PVT1: variants seen among roughly 807,000 people sequenced by gnomAD.
The protein encoded by PVT1 is CXCR4/PVT1 fusion.
chr8:127,802,410 C>T (rs1814475194), intron 2 of PVT1, among the ~76,000 whole-genome samples: 3 of 151,230 alleles, frequency 2.0e-5, no homozygotes, highest in Admixed American at 2.0e-4. Flanking sequence ...AAGCTGGGGT[C>T]TCCCTGTGTT....
chr8:127,950,801 A>G (rs1306226187), intron 3 of PVT1, among the ~76,000 whole-genome samples: 2 of 152,234 alleles, frequency 1.3e-5, no homozygotes, highest in African/African-American at 2.4e-5. Context: ...GAGGATGGCT[A>G]ACAGCTCAGT....
chr8:127,867,492 G>A (rs899452201), intron 2 of PVT1, among the ~76,000 whole-genome samples: 3 of 152,232 alleles, frequency 2.0e-5, no homozygotes, highest in Admixed American at 6.5e-5. Flanking sequence ...AATGAGCGAT[G>A]CTTCTGGAGG....
At chr8:127,836,425 G>A (rs1045676882) in intron 2 of PVT1, among the ~76,000 whole-genome samples, 8 of 152,146 alleles carry the variant, frequency 5.3e-5, no homozygotes, top group African/African-American at 1.7e-4. Context: ...AGCCCAGCAT[G>A]CATTAGCTAT....
At chr8:127,864,004 C>A (rs76568379) in intron 2 of PVT1, among the ~76,000 whole-genome samples, 7 of 152,168 alleles carry the variant, frequency 4.6e-5, no homozygotes, top group Non-Finnish European at 8.8e-5. Flanking sequence ...AGGTTGGGAC[C>A]GGCTTCCAGG....
intron 2 of PVT1, among the ~76,000 whole-genome samples, chr8:127,831,961 A>G (rs911175922): frequency 6.6e-6 from 1 of 152,242 alleles, no homozygotes; most frequent in African/African-American, 2.4e-5. Flanking sequence ...TAATGTCACC[A>G]TTAGTATTTA....
intron 3 of PVT1, among the ~76,000 whole-genome samples, chr8:127,960,182 G>GGT (rs1816623015): frequency 6.6e-6 from 1 of 152,184 alleles, no homozygotes; most frequent in Non-Finnish European, 1.5e-5. Context: ...GCCTGTTACT[G>GGT]CAGTTTCCAA....
chr8:128,023,816 C>G (rs7010574), intron 4 of PVT1, among the ~76,000 whole-genome samples: 1 of 152,008 alleles, frequency 6.6e-6, no homozygotes, highest in Non-Finnish European at 1.5e-5. Context: ...GTCCCTGGCT[C>G]CAAGGCAAGC....
intron 3 of PVT1, among the ~76,000 whole-genome samples, chr8:127,919,447 A>G (rs1036595457): frequency 6.6e-6 from 1 of 152,176 alleles, no homozygotes; most frequent in Non-Finnish European, 1.5e-5. Context: ...GGGCTTCAGG[A>G]GCAGGGCTTT....
chr8:127,922,838 C>T (rs1816078455), intron 3 of PVT1, among the ~76,000 whole-genome samples: 1 of 152,234 alleles, frequency 6.6e-6, no homozygotes, highest in South Asian at 2.1e-4. Context: ...ATTCTGGCAA[C>T]CTCTTACCGG....
intron 3 of PVT1, among the ~76,000 whole-genome samples, chr8:127,972,794 G>T (rs1194767719): frequency 6.6e-6 from 1 of 152,118 alleles, no homozygotes; most frequent in Non-Finnish European, 1.5e-5. Flanking sequence ...CGCTCCCAGA[G>T]AAGCTGATGA....
intron 3 of PVT1, among the ~76,000 whole-genome samples, chr8:127,984,955 C>A (rs1217138839): frequency 5.6e-5 from 8 of 143,562 alleles, no homozygotes; most frequent in African/African-American, 2.2e-4. Context: ...CCCCTTCCTT[C>A]CTTCCTTCCT....
intron 3 of PVT1, among the ~76,000 whole-genome samples, chr8:127,906,722 C>T (rs1277878820): frequency 2.0e-5 from 3 of 152,068 alleles, no homozygotes; most frequent in Admixed American, 6.6e-5. Context: ...AGGTCTTGTG[C>T]ATAATGGTTG....
At chr8:128,033,450 G>C (rs1269753253) in intron 4 of PVT1, among the ~76,000 whole-genome samples, 1 of 152,216 alleles carries the variant, frequency 6.6e-6, no homozygotes, top group Non-Finnish European at 1.5e-5. Flanking sequence ...AGAAGCTTTA[G>C]GAGAGAGAAA....
At chr8:128,032,932 C>T (rs977782855) in intron 4 of PVT1, among the ~76,000 whole-genome samples, 2 of 152,202 alleles carry the variant, frequency 1.3e-5, no homozygotes, top group African/African-American at 2.4e-5. Context: ...CGAGTGACCT[C>T]ACCACACTGA....
intron 3 of PVT1, among the ~76,000 whole-genome samples, chr8:127,955,724 A>C (rs1479047082): frequency 1.3e-5 from 2 of 152,106 alleles, no homozygotes; most frequent in East Asian, 3.9e-4. Context: ...CTGGGATTAC[A>C]GGCACGTTCC....
At chr8:127,818,174 T>C (rs1479185671) in intron 2 of PVT1, among the ~76,000 whole-genome samples, 1 of 152,180 alleles carries the variant, frequency 6.6e-6, no homozygotes, top group Non-Finnish European at 1.5e-5. Context: ...CCCACTTCCT[T>C]CCAGGCTTCC....
At chr8:128,018,144 A>G (rs1051681536) in intron 4 of PVT1, among the ~76,000 whole-genome samples, 5 of 152,250 alleles carry the variant, frequency 3.3e-5, no homozygotes, top group Non-Finnish European at 5.9e-5. Flanking sequence ...TTCTTTCTTC[A>G]GCCATGTAAA....
At position 127,955,729 on chromosome 8, in the gene PVT1, C is replaced by T. The variant is rs141257445; in HGVS notation, n.783-33433C>T. On this transcript the variant is annotated intron_variant and non_coding_transcript_variant, in intron 3 of 10. Transcript: ENST00000651587. ...TCCCGAGTAGCTGGGATTACAGGCACGTTCCACCATACCCTGCTAATTTTT... is the reference window on the plus strand; with the variant it reads ...TCCCGAGTAGCTGGGATTACAGGCATGTTCCACCATACCCTGCTAATTTTT... Among the ~76,000 whole-genome samples the T allele has an allele frequency of 9.1e-3, 1,385 of 152,160 alleles. 12 individuals are homozygous for T. The highest frequency in any genetic ancestry group is 0.012 in the Non-Finnish European group (845 of 68,008).
chr8:127,884,775 A>G (rs1815505902), intron 2 of PVT1, among the ~76,000 whole-genome samples: 1 of 152,252 alleles, frequency 6.6e-6, no homozygotes, highest in African/African-American at 2.4e-5. Flanking sequence ...ATCCCGGTGT[A>G]CAATGCCACA....
Sources: gnomAD v4.1 joint callset for allele counts (sites outside exome capture counted in the v4.1 genomes callset) on GRCh38, gnomAD v4.1.1 for gene constraint, MANE v1.5 for transcripts, NCBI Gene and HGNC (gene_info 2026-07-23, HGNC 2026-07-21) for gene names.